The following ZFYVE9 variants were observed in gnomAD, a reference collection of about 807,000 sequenced individuals.
ZFYVE9 encodes zinc finger FYVE-type containing 9.
Under a neutral mutation model 126.7 loss-of-function variants are expected in ZFYVE9, and 43 were observed. That is an observed-to-expected ratio of 0.34 (90% CI 0.27 to 0.44). The LOEUF (loss-of-function observed/expected upper bound fraction) is 0.44, where lower values mean the gene tolerates loss of function less well. ZFYVE9 is among the 20% of genes least tolerant of loss of function. The probability of loss-of-function intolerance (pLI) is 1.00; values close to 1 mark genes in which losing one functional copy is unlikely to be tolerated. For missense variants in ZFYVE9, 1,476 were observed against 1,697.0 expected, an observed-to-expected ratio of 0.87 and a Z score of 2.29; for synonymous variants, 521 against 597.4, an observed-to-expected ratio of 0.87 and a Z score of 1.87.
chr1:52,214,155 G>A (rs183802206), intron 1 of ZFYVE9, among the ~76,000 whole-genome samples: 72 of 152,248 alleles, frequency 4.7e-4, no homozygotes, highest in African/African-American at 1.6e-3. Flanking sequence ...GGCCGGGCGC[G>A]GTGCCTCATG....
At chr1:52,272,772 C>T (rs1029606091) in intron 7 of ZFYVE9, among the ~76,000 whole-genome samples, 1 of 149,262 alleles carries the variant, frequency 6.7e-6, no homozygotes, top group African/African-American at 2.5e-5. Context: ...CAGGTTCAAG[C>T]AATTCTCCTG....
chr1:52,285,286 C>A (rs1279197924), intron 10 of ZFYVE9, among the ~76,000 whole-genome samples: 2 of 152,088 alleles, frequency 1.3e-5, no homozygotes, highest in Non-Finnish European at 2.9e-5. Context: ...ATATATTTCA[C>A]TATAAATTTT....
intron 14 of ZFYVE9, among the ~76,000 whole-genome samples, chr1:52,333,672 T>A (rs1646363798): frequency 6.6e-6 from 1 of 152,104 alleles, no homozygotes; most frequent in Admixed American, 6.5e-5. Flanking sequence ...AACCCCGTGT[T>A]AGGCCAGCCG....
At chr1:52,323,950 T>C (rs1646266042) in intron 13 of ZFYVE9, among the ~76,000 whole-genome samples, 1 of 149,582 alleles carries the variant, frequency 6.7e-6, no homozygotes, top group Admixed American at 6.7e-5. Context: ...TTTGAGCTAC[T>C]TGAGAGGCTG....
chr1:52,299,718 A>G (rs1238084773), intron 12 of ZFYVE9, among the ~76,000 whole-genome samples: 2 of 152,200 alleles, frequency 1.3e-5, no homozygotes, highest in Non-Finnish European at 2.9e-5. Flanking sequence ...CAGCTGGATG[A>G]TGGTGATACA....
At position 52,246,535 on chromosome 1, in the gene ZFYVE9, G is replaced by GTT. The variant is rs560515648; in HGVS notation, c.2178+6953_2178+6954dup. On this transcript the variant is annotated intron_variant, in intron 4 of 18. Coordinates refer to ENST00000287727, the MANE Select transcript of ZFYVE9 (RefSeq NM_004799.4). ...TTTTTTATCCTGTTTTTTTTCCTGG[G>GTT]TTTTTTTTTTTTTTGAGACAAACTC... 2.1e-4 allele frequency among the ~76,000 whole-genome samples: 29 copies of GTT among 136,596 alleles called. No individual in the cohort carries two copies. In the South Asian group the frequency reaches 2.8e-3, roughly 13 times the overall value. 89.6% of individuals were successfully genotyped at this position (136,596 alleles called of 152,430 possible).
intron 10 of ZFYVE9, among the ~76,000 whole-genome samples, chr1:52,282,397 A>C (rs1351894656): frequency 6.6e-6 from 1 of 152,202 alleles, no homozygotes; most frequent in East Asian, 1.9e-4. Flanking sequence ...TTGACATTAC[A>C]AAGTCAGCCT....
intron 9 of ZFYVE9, among the ~76,000 whole-genome samples, chr1:52,279,791 G>A (rs1645784242): frequency 6.6e-6 from 1 of 152,106 alleles, no homozygotes; most frequent in South Asian, 2.1e-4. Flanking sequence ...ATTATTTAGA[G>A]AATGCATTTA....
chr1:52,148,556 C>G (rs1406452437), intron 1 of ZFYVE9, among the ~76,000 whole-genome samples: 1 of 152,072 alleles, frequency 6.6e-6, no homozygotes, highest in Non-Finnish European at 1.5e-5. Context: ...GTTAATAGAA[C>G]TGATTAACCA....
At chr1:52,266,391 C>G (rs1645633510) in intron 5 of ZFYVE9, among the ~76,000 whole-genome samples, 1 of 139,650 alleles carries the variant, frequency 7.2e-6, no homozygotes, top group African/African-American at 2.9e-5. Context: ...GCCACCACTC[C>G]CGGTCTAATT....
At chr1:52,248,987 G>C (rs1232261592) in intron 4 of ZFYVE9, among the ~76,000 whole-genome samples, 2 of 152,146 alleles carry the variant, frequency 1.3e-5, no homozygotes, top group East Asian at 3.8e-4. Context: ...GAGGGGCCTG[G>C]TAGGAGGTGA....
intron 1 of ZFYVE9, chr1:52,189,817 T>C (rs983367414): frequency 1.3e-5 from 2 of 152,220 alleles, no homozygotes; most frequent in Non-Finnish European, 2.9e-5. Flanking sequence ...AATTTTTGTA[T>C]ATGGTGTGAG....
chr1:52,162,961 G>A, intron 1 of ZFYVE9: 1 of 465,126 alleles, frequency 2.1e-6, no homozygotes. Context: ...AGTTCCTGTT[G>A]GAGATTTTGA....
chr1:52,223,262 A>G (rs1345644760), intron 2 of ZFYVE9, among the ~76,000 whole-genome samples: 1 of 152,114 alleles, frequency 6.6e-6, no homozygotes, highest in Non-Finnish European at 1.5e-5. Flanking sequence ...CACTAGAAAC[A>G]TCTGTTTTCC....
At chr1:52,191,594 C>T (rs572672098) in intron 1 of ZFYVE9, among the ~76,000 whole-genome samples, 8 of 152,232 alleles carry the variant, frequency 5.3e-5, no homozygotes, top group Middle Eastern at 3.4e-3. Context: ...GTCCTATGAC[C>T]CAGATGGGTT....
chr1:52,285,362 G>A (rs746401110), intron 10 of ZFYVE9, among the ~76,000 whole-genome samples: 1 of 152,270 alleles, frequency 6.6e-6, no homozygotes, highest in South Asian at 2.1e-4. Context: ...CCATGGACTG[G>A]TATTGGTCCG....
intron 1 of ZFYVE9, among the ~76,000 whole-genome samples, chr1:52,167,902 T>C (rs1166084827): frequency 5.3e-5 from 8 of 152,208 alleles, no homozygotes; most frequent in Non-Finnish European, 1.2e-4. Context: ...GCAAAAATCT[T>C]TGTTTCTGTA....
intron 13 of ZFYVE9, among the ~76,000 whole-genome samples, chr1:52,325,733 A>G (rs2147863615): frequency 6.6e-6 from 1 of 152,322 alleles, no homozygotes; most frequent in South Asian, 2.1e-4. Flanking sequence ...TGCCATGACA[A>G]AGGCCCTATG....
intron 2 of ZFYVE9, among the ~76,000 whole-genome samples, chr1:52,221,425 T>C (rs1645123694): frequency 6.6e-6 from 1 of 152,182 alleles, no homozygotes; most frequent in Non-Finnish European, 1.5e-5. Flanking sequence ...GTTGAGTGAA[T>C]TGTCAGTGGT....
Sources: gnomAD v4.1 joint callset for allele counts (sites outside exome capture counted in the v4.1 genomes callset) on GRCh38, gnomAD v4.1.1 for gene constraint, MANE v1.5 for transcripts, NCBI Gene and HGNC (gene_info 2026-07-23, HGNC 2026-07-21) for gene names.